PPP2R5E: variants seen among roughly 807,000 people sequenced by gnomAD.
PPP2R5E encodes protein phosphatase 2 regulatory subunit B'epsilon, also known as serine/threonine-protein phosphatase 2A 56 kDa regulatory subunit epsilon isoform.
In PPP2R5E, 4 loss-of-function variants were observed where a neutral mutation model predicts 65.3. The ratio of observed to expected loss-of-function variants is 0.06; its 90% CI spans 0.03 to 0.14. The LOEUF (loss-of-function observed/expected upper bound fraction) is 0.14, where lower values mean the gene tolerates loss of function less well. Ranked by LOEUF, PPP2R5E falls within the 10% of genes least tolerant of loss-of-function variation. PPP2R5E has a pLI of 1.00. For synonymous variants in PPP2R5E, 183 were observed against 187.4 expected, an observed-to-expected ratio of 0.98 and a Z score of 0.19; for missense variants, 274 against 556.1, an observed-to-expected ratio of 0.49 and a Z score of 5.10.
chr14:63,417,349 C>T (rs1594850561), intron 4 of PPP2R5E, among the ~76,000 whole-genome samples: 1 of 152,132 alleles, frequency 6.6e-6, no homozygotes, highest in Non-Finnish European at 1.5e-5. Context: ...TGCATTAATG[C>T]TCTAATTTTG....
At chr14:63,384,748 G>A (rs1042596252) in intron 11 of PPP2R5E, among the ~76,000 whole-genome samples, 177 bp from the exon 12 acceptor site, 10 of 151,792 alleles carry the variant, frequency 6.6e-5, no homozygotes, top group Non-Finnish European at 1.2e-4. Flanking sequence ...TGGGAGTCTC[G>A]CTAGTGGCGC....
intron 2 of PPP2R5E, among the ~76,000 whole-genome samples, chr14:63,537,130 C>A (rs1893695908): frequency 1.3e-5 from 2 of 152,064 alleles, no homozygotes. Context: ...TCTTTCACTA[C>A]CCACAAAACC....
At chr14:63,437,765 A>G (rs1336896811) in intron 3 of PPP2R5E, among the ~76,000 whole-genome samples, 1 of 152,210 alleles carries the variant, frequency 6.6e-6, no homozygotes, top group Admixed American at 6.5e-5. Context: ...AAAAGTATAG[A>G]AACATCATAT....
chr14:63,516,213 T>C (rs1304104308), intron 2 of PPP2R5E, among the ~76,000 whole-genome samples: 2 of 152,186 alleles, frequency 1.3e-5, no homozygotes, highest in Non-Finnish European at 2.9e-5. Context: ...TACATTTTCT[T>C]ATCTCAACAG....
intron 2 of PPP2R5E, among the ~76,000 whole-genome samples, chr14:63,497,379 G>A (rs1891621102): frequency 6.6e-6 from 1 of 152,050 alleles, no homozygotes; most frequent in South Asian, 2.1e-4. Context: ...TTGACTACAA[G>A]CATCATCTCT....
chr14:63,444,608 A>G (rs1219706669), intron 3 of PPP2R5E, among the ~76,000 whole-genome samples: 1 of 148,590 alleles, frequency 6.7e-6, no homozygotes, highest in Admixed American at 6.7e-5. Flanking sequence ...CATTTTCGAG[A>G]AAAAAAAAAG....
intron 2 of PPP2R5E, among the ~76,000 whole-genome samples, chr14:63,528,991 C>T (rs937633800): frequency 1.3e-5 from 2 of 152,134 alleles, no homozygotes; most frequent in African/African-American, 4.8e-5. Flanking sequence ...TAAGAAACAA[C>T]AGAGTAATAG....
At chr14:63,532,934 G>C (rs1039809525) in intron 2 of PPP2R5E, among the ~76,000 whole-genome samples, 1 of 152,074 alleles carries the variant, frequency 6.6e-6, no homozygotes, top group Non-Finnish European at 1.5e-5. Context: ...TCCTGGGCTC[G>C]AACTATCCTC....
chr14:63,461,065 G>C (rs964617282), intron 2 of PPP2R5E, among the ~76,000 whole-genome samples: 1 of 152,190 alleles, frequency 6.6e-6, no homozygotes, highest in African/African-American at 2.4e-5. Flanking sequence ...CTCCTCATTA[G>C]AGGTTTAATT....
chr14:63,492,568 C>A (rs1427273577), intron 2 of PPP2R5E, among the ~76,000 whole-genome samples: 1 of 152,098 alleles, frequency 6.6e-6, no homozygotes, highest in Non-Finnish European at 1.5e-5. Context: ...TGACTCAAAA[C>A]ATTCTTTTGG....
chr14:63,527,828 A>T (rs1893241196), intron 2 of PPP2R5E, among the ~76,000 whole-genome samples: 1 of 151,914 alleles, frequency 6.6e-6, no homozygotes, highest in Non-Finnish European at 1.5e-5. Flanking sequence ...TCAGCTACTC[A>T]GGAGGCTGAG....
intron 2 of PPP2R5E, among the ~76,000 whole-genome samples, chr14:63,480,258 G>T (rs1030101742): frequency 2.0e-5 from 3 of 152,090 alleles, no homozygotes; most frequent in Admixed American, 1.3e-4. Flanking sequence ...AGGAGTTCAG[G>T]ACCAGCCTGG....
intron 2 of PPP2R5E, among the ~76,000 whole-genome samples, chr14:63,461,640 T>TA (rs199591299): frequency 7.8e-4 from 109 of 139,732 alleles, no homozygotes; most frequent in Non-Finnish European, 8.8e-4. Context: ...CTACAAAATT[T>TA]AAAAAAAAAA....
At chr14:63,472,494 T>G (rs372745318) in intron 2 of PPP2R5E, among the ~76,000 whole-genome samples, 12 of 152,330 alleles carry the variant, frequency 7.9e-5, no homozygotes, top group African/African-American at 2.9e-4. Context: ...TCATTTTGTT[T>G]TGAACACCTG....
chr14:63,537,120 T>G (rs543529987), intron 2 of PPP2R5E, among the ~76,000 whole-genome samples: 108 of 151,000 alleles, frequency 7.2e-4, no homozygotes, highest in Non-Finnish European at 1.1e-3. Flanking sequence ...CATGCATGCT[T>G]CTTTCACTAC....
rs118120212 is a variant in PPP2R5E, at chr14:63,444,446, G to A, written c.354+9243C>T. 3.3e-3 allele frequency among the ~76,000 whole-genome samples: 505 copies of A among 152,188 alleles called. 26 individuals carry two copies. The East Asian group carries it at 0.074, about 22-fold the overall frequency. On this transcript the variant is annotated intron_variant, in intron 3 of 13. Coordinates refer to ENST00000337537, the MANE Select transcript of PPP2R5E (RefSeq NM_006246.5). The stretch of plus-strand genomic sequence containing the variant: ...ACGTGAGTATTCCCTCTACCAGATT[G>A]TGAGCTCACTGGCAAAGTGAAGCCC...
intron 3 of PPP2R5E, among the ~76,000 whole-genome samples, chr14:63,427,637 A>G (rs911868489): frequency 1.3e-5 from 2 of 152,052 alleles, no homozygotes; most frequent in Non-Finnish European, 2.9e-5. Context: ...AGAAAGAAAG[A>G]AAAAAAGGAG....
intron 2 of PPP2R5E, among the ~76,000 whole-genome samples, chr14:63,530,226 G>GTTTTTTTTTTTTTTT (rs555112537): frequency 1.0e-5 from 1 of 99,484 alleles, no homozygotes; most frequent in African/African-American, 4.1e-5. Context: ...AAATTTTTCC[G>GTTTTTTTTTTTTTTT]TTTTTTTTTT....
chr14:63,443,930 T>C (rs2139441469), intron 3 of PPP2R5E, among the ~76,000 whole-genome samples: 1 of 152,332 alleles, frequency 6.6e-6, no homozygotes, highest in East Asian at 1.9e-4. Context: ...GCAGTTCGCT[T>C]AGGCCCTCCA....
Sources: gnomAD v4.1 joint callset for allele counts (sites outside exome capture counted in the v4.1 genomes callset) on GRCh38, gnomAD v4.1.1 for gene constraint, MANE v1.5 for transcripts, NCBI Gene and HGNC (gene_info 2026-07-23, HGNC 2026-07-21) for gene names.